The following OPHN1 variants were observed in gnomAD, a reference collection of about 807,000 sequenced individuals.
OPHN1 encodes oligophrenin-1.
Under a neutral mutation model 60.7 loss-of-function variants are expected in OPHN1, and 11 were observed. The observed-to-expected ratio is 0.18, with a 90% CI of 0.11 to 0.30. The LOEUF (loss-of-function observed/expected upper bound fraction) is 0.30. Among genes scored for constraint, OPHN1 ranks in the 10% least tolerant of loss-of-function variants. The pLI is 1.00. For synonymous variants in OPHN1, 226 were observed against 222.6 expected, an observed-to-expected ratio of 1.02 and a Z score of -0.14; for missense variants, 449 against 611.0, an observed-to-expected ratio of 0.73 and a Z score of 2.80.
chrX:68,215,343 G>T (rs1273666934), intron 6 of OPHN1, among the ~76,000 whole-genome samples: 1 of 111,328 alleles, frequency 9.0e-6, no homozygotes, highest in Middle Eastern at 4.2e-3. Flanking sequence ...AATTACAAAA[G>T]ATGTTAATAT....
chrX:68,239,291 G>A (rs2077768937), intron 5 of OPHN1, among the ~76,000 whole-genome samples: 1 of 111,106 alleles, frequency 9.0e-6, no homozygotes, highest in Non-Finnish European at 1.9e-5. Flanking sequence ...GTATCTGCTG[G>A]TGTCTGCGGC....
At chrX:68,254,570 G>A (rs191385664) in intron 5 of OPHN1, among the ~76,000 whole-genome samples, 16 of 111,096 alleles carry the variant, frequency 1.4e-4, no homozygotes, top group Non-Finnish European at 1.9e-4. Context: ...AGGCCAAAGG[G>A]GAATTTTAGT....
intron 6 of OPHN1, among the ~76,000 whole-genome samples, chrX:68,217,915 C>A (rs2077623692): frequency 9.5e-6 from 1 of 104,817 alleles, no homozygotes. Context: ...AGCAACGGAA[C>A]AAAGCTGGAT....
At chrX:68,195,044 AAGGAAGGAAGGAAGGAAGG>A (rs1429579153) in intron 12 of OPHN1, among the ~76,000 whole-genome samples, 3 of 104,976 alleles carry the variant, frequency 2.9e-5, no homozygotes, top group South Asian at 4.4e-4. Flanking sequence ...GGAAGGAAGG[AAGGAAGGAAGGAAGGAAGG>A]AAGAAAGAAA....
At chrX:68,071,159 G>A (rs1360200189) in intron 20 of OPHN1, 6 of 735,896 alleles carry the variant, frequency 8.2e-6, no homozygotes, top group East Asian at 6.3e-5. Context: ...AGGAAGGGTC[G>A]CTATGGGCTC....
In OPHN1 at chrX:68,281,879, G is replaced by T. The variant is rs186113842; in HGVS notation, c.312+1177C>A. On this transcript the variant is annotated intron_variant, in intron 4 of 24. Transcript: ENST00000355520. Reference sequence around the variant, plus strand: ...AGTAATGAGATACCACTACACATCCGTGAGAATGGCTAAAATCCAGAACAC... The same window carrying T: ...AGTAATGAGATACCACTACACATCCTTGAGAATGGCTAAAATCCAGAACAC... 1.7e-3 allele frequency among the ~76,000 whole-genome samples: 196 copies of T among 112,586 alleles called. 1 individual carries two copies. Among genetic ancestry groups the T allele is most frequent in the African/African-American group, 5.9e-3 (183 of 31,081 alleles).
intron 2 of OPHN1, among the ~76,000 whole-genome samples, chrX:68,391,517 T>C (rs1224050534): frequency 2.7e-5 from 3 of 111,149 alleles, no homozygotes; most frequent in Non-Finnish European, 5.6e-5. Flanking sequence ...AGTTTTTTTC[T>C]TCCAGAGATA....
intron 19 of OPHN1, among the ~76,000 whole-genome samples, chrX:68,081,508 C>A (rs757665020): frequency 1.3e-4 from 14 of 111,893 alleles, no homozygotes; most frequent in Non-Finnish European, 2.6e-4. Context: ...TGGTTCCAGA[C>A]CACCAGAATA....
intron 2 of OPHN1, among the ~76,000 whole-genome samples, chrX:68,405,903 G>A (rs192825624): frequency 3.3e-4 from 37 of 111,159 alleles, no homozygotes; most frequent in African/African-American, 1.2e-3. Context: ...CAACACTTAG[G>A]GAGGCTGGGG....
rs781723316 is a variant in OPHN1, at chrX:68,200,086, T to A, written c.1025+1533A>T. ...GAAACCAGCATGGGCTTTGGAGACC[T>A]ACAGACCAGGGTTTGAGCTCAGCCT... is the stretch of plus-strand genomic sequence containing the variant. On this transcript the variant is annotated intron_variant, in intron 11 of 24. Transcript: ENST00000355520. Among the ~76,000 whole-genome samples, 31 of 111,764 alleles carry A rather than the reference T, an allele frequency of 2.8e-4. 1 individual carries two copies. The highest frequency in any genetic ancestry group is 5.1e-4 in the Non-Finnish European group (27 of 53,217).
chrX:68,314,661 A>G lies in OPHN1; in HGVS notation c.155-15565T>C, dbSNP rs947693727. Reference sequence around the variant, plus strand: ...TCAAACCCTTCTAAAATATTCAGATACCAAAGCTAGAGAAAAACACTACAA... The same window carrying G: ...TCAAACCCTTCTAAAATATTCAGATGCCAAAGCTAGAGAAAAACACTACAA... On this transcript the variant is annotated intron_variant, in intron 2 of 24. Coordinates refer to ENST00000355520, the MANE Select transcript of OPHN1 (RefSeq NM_002547.3). 2.7e-5 allele frequency among the ~76,000 whole-genome samples: 3 copies of G among 109,230 alleles called. No individual in the cohort carries two copies. The East Asian group carries it at 8.6e-4, about 31-fold the overall frequency. The allele number at this position is 109,230 out of a possible 115,157, so 94.9% of individuals were successfully genotyped here.
intron 19 of OPHN1, among the ~76,000 whole-genome samples, chrX:68,092,568 C>T (rs1010721162): frequency 8.9e-6 from 1 of 111,757 alleles, no homozygotes; most frequent in African/African-American, 3.2e-5. Context: ...GTCAGAACTT[C>T]GACTACTTAA....
At chrX:68,178,284 T>C (rs2077422589) in intron 15 of OPHN1, among the ~76,000 whole-genome samples, 1 of 112,180 alleles carries the variant, frequency 8.9e-6, no homozygotes, top group African/African-American at 3.2e-5. Flanking sequence ...TAAGGTGAAA[T>C]GTATACCTCC....
intron 6 of OPHN1, among the ~76,000 whole-genome samples, chrX:68,220,506 G>A (rs1204959842): frequency 9.7e-6 from 1 of 102,995 alleles, no homozygotes; most frequent in Non-Finnish European, 2.0e-5. Flanking sequence ...CAATATCCTT[G>A]ATGAACATTG....
At chrX:68,245,955 C>A (rs1190168359) in intron 5 of OPHN1, among the ~76,000 whole-genome samples, 1 of 111,426 alleles carries the variant, frequency 9.0e-6, no homozygotes, top group Non-Finnish European at 1.9e-5. Context: ...AGGTGCAATG[C>A]CACCAGGCCT....
chrX:68,429,930 G>A (rs750306378), intron 2 of OPHN1, among the ~76,000 whole-genome samples: 2 of 111,106 alleles, frequency 1.8e-5, no homozygotes, highest in East Asian at 5.7e-4. Context: ...AGCTACTCGG[G>A]AGGCTAAGAC....
Position 68,105,908 on chromosome X carries a change from T to C in OPHN1, c.1526+5946A>G, listed in dbSNP as rs373552243. On this transcript the variant is annotated intron_variant, in intron 18 of 24. Coordinates refer to ENST00000355520, the MANE Select transcript of OPHN1 (RefSeq NM_002547.3). ...GAATACCAGATTGGACAAACACCTA[T>C]AAAAGGCCACTTTTGGGTCAAATGG... is the stretch of plus-strand genomic sequence containing the variant. 2.6e-3 allele frequency among the ~76,000 whole-genome samples: 289 copies of C among 110,705 alleles called. 2 individuals carry two copies. Among genetic ancestry groups the C allele is most frequent in the African/African-American group, 9.1e-3 (276 of 30,453 alleles).
At chrX:68,415,839 AC>A (rs2078791196) in intron 2 of OPHN1, among the ~76,000 whole-genome samples, 1 of 108,413 alleles carries the variant, frequency 9.2e-6, no homozygotes, top group Admixed American at 1.0e-4. Flanking sequence ...ACATGGTGAA[AC>A]CCCATCTCTA....
intron 2 of OPHN1, among the ~76,000 whole-genome samples, chrX:68,373,264 G>A (rs2078538758): frequency 8.9e-6 from 1 of 112,361 alleles, no homozygotes; most frequent in South Asian, 3.7e-4. Flanking sequence ...GGCTCCCAAC[G>A]CAGTACTGAA....
Sources: gnomAD v4.1 joint callset for allele counts (sites outside exome capture counted in the v4.1 genomes callset) on GRCh38, gnomAD v4.1.1 for gene constraint, MANE v1.5 for transcripts, NCBI Gene and HGNC (gene_info 2026-07-23, HGNC 2026-07-21) for gene names.